The following FIRRM variants were observed in gnomAD, a reference collection of about 807,000 sequenced individuals.
The protein encoded by FIRRM is FIGNL1 interacting regulator of recombination and mitosis.
At chr1:169,831,095 C>CT in the FIRRM span, among the ~76,000 whole-genome samples, 1 of 151,856 alleles carries the variant, frequency 6.6e-6, no homozygotes, top group African/African-American at 2.4e-5. Flanking sequence ...TTCTGTCTCT[C>CT]TAATATGCCT....
the FIRRM span, chr1:169,842,266 T>C: frequency 1.7e-6 from 1 of 601,980 alleles, no homozygotes; most frequent in Non-Finnish European, 2.6e-6. Context: ...GTTAAATAGC[T>C]GAAAAGATGG....
chr1:169,811,765 C>CATATTATCTAGATAGATAAT, the FIRRM span, among the ~76,000 whole-genome samples: 1 of 122,742 alleles, frequency 8.1e-6, no homozygotes, highest in Non-Finnish European at 1.8e-5. Context: ...AGATAATAGA[C>CATATTATCTAGATAGATAAT]AGATTATCTA....
chr1:169,820,975 A>G, the FIRRM span, among the ~76,000 whole-genome samples: 1 of 152,240 alleles, frequency 6.6e-6, no homozygotes, highest in Admixed American at 6.5e-5. Flanking sequence ...GTCACATTGC[A>G]TACCTATGCT....
At chr1:169,838,918 C>G in the FIRRM span, among the ~76,000 whole-genome samples, 3 of 152,058 alleles carry the variant, frequency 2.0e-5, no homozygotes, top group African/African-American at 7.3e-5. Context: ...AACCGTTTAT[C>G]AACCCTTACC....
chr1:169,853,816 A>G, the FIRRM span: 3 of 1,588,746 alleles, frequency 1.9e-6, no homozygotes, highest in African/African-American at 2.7e-5. Context: ...GAAACAAATC[A>G]TATGCAAAAA....
chr1:169,834,661 A>T, the FIRRM span, among the ~76,000 whole-genome samples: 2 of 152,134 alleles, frequency 1.3e-5, no homozygotes, highest in African/African-American at 4.8e-5. Context: ...AATAACTTCC[A>T]CAAATTCACA....
the FIRRM span, chr1:169,793,942 G>T: frequency 2.7e-6 from 1 of 369,654 alleles, no homozygotes. Flanking sequence ...GATGATTAAA[G>T]CAAAATGGCA....
the FIRRM span, among the ~76,000 whole-genome samples, chr1:169,826,352 C>T: frequency 7.4e-6 from 1 of 134,504 alleles, no homozygotes; most frequent in Admixed American, 8.1e-5. Flanking sequence ...CGTGAGCCAC[C>T]ACACCCGGCA....
chr1:169,851,923 G>A, the FIRRM span: 2 of 1,614,058 alleles, frequency 1.2e-6, no homozygotes. Context: ...GAAGCAAAGA[G>A]GTCATCTTTA....
the FIRRM span, chr1:169,793,392 C>T: frequency 6.2e-7 from 1 of 1,614,176 alleles, no homozygotes; most frequent in Admixed American, 1.7e-5. Context: ...ATAGCATGCT[C>T]TTTGGCAGCT....
At chr1:169,795,948 T>C in the FIRRM span, 5 of 985,512 alleles carry the variant, frequency 5.1e-6, no homozygotes, top group Non-Finnish European at 6.0e-6. Context: ...CATGCCTTTG[T>C]GGTTGTAAAT....
chr1:169,834,137 T>C, the FIRRM span, among the ~76,000 whole-genome samples: 1 of 152,178 alleles, frequency 6.6e-6, no homozygotes, highest in African/African-American at 2.4e-5. Context: ...CTAAATTAGA[T>C]AAATTATAGT....
chr1:169,847,202 A>G, the FIRRM span, among the ~76,000 whole-genome samples: 1 of 152,010 alleles, frequency 6.6e-6, no homozygotes, highest in Non-Finnish European at 1.5e-5. Context: ...GAACAAGTTG[A>G]AATATTGCAG....
chr1:169,829,411 T>A, the FIRRM span: 5 of 1,613,490 alleles, frequency 3.1e-6, no homozygotes, highest in Admixed American at 1.7e-5. Context: ...TCTGTGTACA[T>A]TTATTACTTC....
the FIRRM span, chr1:169,827,612 TG>T: frequency 7.5e-7 from 1 of 1,334,796 alleles, no homozygotes; most frequent in Non-Finnish European, 1.1e-6. Flanking sequence ...CACTCCAGGC[TG>T]GGTGACAGAG....
the FIRRM span, chr1:169,830,330 C>G: frequency 6.2e-7 from 1 of 1,613,606 alleles, no homozygotes; most frequent in South Asian, 1.1e-5. Flanking sequence ...ATGCATGGTG[C>G]TTCCTTGCTC....
At chr1:169,829,529 G>T in the FIRRM span, 16 of 1,298,922 alleles carry the variant, frequency 1.2e-5, no homozygotes, top group Non-Finnish European at 1.7e-5. Context: ...ATATACAGAA[G>T]AAAATGTGGG....
At chr1:169,853,388 TTTTC>T in the FIRRM span, 9 of 343,152 alleles carry the variant, frequency 2.6e-5, no homozygotes, top group African/African-American at 1.5e-4. Flanking sequence ...TTGAATTACA[TTTTC>T]TTTACTTCCA....
At chr1:169,812,755 G>A in the FIRRM span, among the ~76,000 whole-genome samples, 3 of 151,964 alleles carry the variant, frequency 2.0e-5, no homozygotes, top group Non-Finnish European at 4.4e-5. Context: ...TACTTGGGAG[G>A]CTGAGGCAGG....
Sources: allele counts gnomAD v4.1 joint callset (sites outside exome capture counted in the v4.1 genomes callset), GRCh38; gene constraint gnomAD v4.1.1; transcripts MANE v1.5; gene names NCBI Gene and HGNC (gene_info 2026-07-23, HGNC 2026-07-21).